EIF2AK3: variants seen among roughly 807,000 people sequenced by gnomAD.
EIF2AK3 encodes eukaryotic translation initiation factor 2-alpha kinase 3.
In EIF2AK3, 50 loss-of-function variants were observed where a neutral mutation model predicts 113.5. The observed-to-expected ratio is 0.44, with a 90% CI of 0.35 to 0.56. The LOEUF is 0.56. Ranked by LOEUF, EIF2AK3 falls within the 20% of genes least tolerant of loss-of-function variation. EIF2AK3 has a pLI of 0.00. For missense variants in EIF2AK3, 1,185 were observed against 1,378.0 expected, an observed-to-expected ratio of 0.86 and a Z score of 2.22; for synonymous variants, 448 against 495.4, an observed-to-expected ratio of 0.90 and a Z score of 1.27.
chr2:88,557,177 A>T lies in EIF2AK3; in HGVS notation c.*559T>A, dbSNP rs1673799790. On this transcript the variant is annotated 3_prime_UTR_variant, in exon 17 of 17. Transcript: ENST00000303236. ...CTAGAACCATCTAAGGAATAAAGCT[A>T]TTGAATGCTACAAATAGGACTATAA... 1.3e-5 allele frequency: 2 copies of T among 155,270 alleles called. No individual in the cohort carries two copies. The highest frequency in any genetic ancestry group is 3.8e-4 in the East Asian group (2 of 5,312). 9.6% of individuals were successfully genotyped at this position (155,270 alleles called of 1,614,324 possible).
intron 10 of EIF2AK3, among the ~76,000 whole-genome samples, chr2:88,580,169 A>G (rs959300206): frequency 2.0e-5 from 3 of 152,174 alleles, no homozygotes; most frequent in Non-Finnish European, 4.4e-5. Context: ...TGTACCTACC[A>G]CTGGAGGTAC....
At chr2:88,613,696 TAGTCAAC>T in intron 2 of EIF2AK3, 21 bp downstream of exon 2, 1 of 1,613,738 alleles carries the variant, frequency 6.2e-7, no homozygotes, top group Non-Finnish European at 8.5e-7. Context: ...TTAAGTTTTC[TAGTCAAC>T]AGTTAACAGA....
In EIF2AK3 at chr2:88,576,568, C is replaced by T; in HGVS notation, c.2022G>A (p.Trp674Ter). ...AAGTTAGTTACCTTTCATCTTTCAG[C>T]CAAATTTCATCCATCTTTTCTTGCC... ...EKWQEKMDEI[W>*]LKDESTDWPL... is the part of the protein sequence containing the mutation. The change falls in exon 12 of 17, where the codon TGG becomes TGA. Residue 674 changes from tryptophan to a stop codon, truncating the protein, a stop_gained. Coordinates refer to ENST00000303236, the MANE Select transcript of EIF2AK3 (RefSeq NM_004836.7). LOFTEE classifies it high-confidence loss of function. 2 of 1,614,084 alleles carry T rather than the reference C, an allele frequency of 1.2e-6. No homozygotes were observed. The highest frequency in any genetic ancestry group is 4.5e-5 in the East Asian group (2 of 44,878).
At chr2:88,558,055 G>C in intron 16 of EIF2AK3, 119 bp from the exon 17 acceptor site, 2 of 1,005,932 alleles carry the variant, frequency 2.0e-6, no homozygotes, top group Non-Finnish European at 3.0e-6. Context: ...CCATATTCGA[G>C]TTTTCAAGTC....
intron 14 of EIF2AK3, among the ~76,000 whole-genome samples, chr2:88,570,415 G>A (rs1051895088): frequency 5.3e-5 from 8 of 152,182 alleles, no homozygotes; most frequent in African/African-American, 1.9e-4. Flanking sequence ...AGGCCAAGCA[G>A]CCCACAAGGC....
intron 16 of EIF2AK3, among the ~76,000 whole-genome samples, 164 bp downstream of exon 16, chr2:88,558,753 G>GTGTT (rs1408175661): frequency 4.6e-5 from 7 of 152,212 alleles, no homozygotes; most frequent in Admixed American, 3.3e-4. Flanking sequence ...CCCAGCTCCA[G>GTGTT]TGTTTGGTTT....
At chr2:88,623,154 T>C (rs1472207274) in intron 1 of EIF2AK3, among the ~76,000 whole-genome samples, 1 of 152,228 alleles carries the variant, frequency 6.6e-6, no homozygotes, top group Admixed American at 6.5e-5. Flanking sequence ...GAACCCCAAG[T>C]AACACTTTGC....
At chr2:88,627,730 A>C, upstream of EIF2AK3, 1 of 156,926 alleles carries the variant, frequency 6.4e-6, no homozygotes, top group Non-Finnish European at 1.4e-5. Flanking sequence ...CCTTTCCTAC[A>C]ACAGATTGGC....
chr2:88,603,367 A>C (rs529650336), intron 2 of EIF2AK3, among the ~76,000 whole-genome samples: 1 of 152,350 alleles, frequency 6.6e-6, no homozygotes, highest in African/African-American at 2.4e-5. Context: ...TTGGGCATCC[A>C]CAGGCTTCCT....
upstream of EIF2AK3, chr2:88,627,777 G>C (rs1266649905): frequency 6.5e-6 from 1 of 153,694 alleles, no homozygotes. Flanking sequence ...AAAGCGAGGC[G>C]CTGGAGAAGA....
At chr2:88,626,861 G>A (rs1228804813) in intron 1 of EIF2AK3, 106 bp downstream of exon 1, 3 of 1,459,748 alleles carry the variant, frequency 2.1e-6, no homozygotes, top group African/African-American at 2.9e-5. Context: ...CTCCGCAGCC[G>A]AGGGAAGACG....
intron 11 of EIF2AK3, among the ~76,000 whole-genome samples, chr2:88,577,880 G>A (rs1476760666): frequency 6.6e-6 from 1 of 152,128 alleles, no homozygotes; most frequent in Non-Finnish European, 1.5e-5. Flanking sequence ...AGCAAATGCC[G>A]CCATTTCTAA....
At chr2:88,577,105 T>C (rs1296929392) in intron 11 of EIF2AK3, among the ~76,000 whole-genome samples, 1 of 151,830 alleles carries the variant, frequency 6.6e-6, no homozygotes. Context: ...TGCCTCAGCC[T>C]CCCGAGTAGC....
intron 5 of EIF2AK3, 41 bp from the exon 6 acceptor site, chr2:88,590,646 G>C: frequency 6.2e-7 from 1 of 1,602,992 alleles, no homozygotes. Context: ...AATTCAAGCA[G>C]TAGTTATATA....
intron 14 of EIF2AK3, among the ~76,000 whole-genome samples, chr2:88,563,882 G>A (rs1674030278): frequency 6.6e-6 from 1 of 152,058 alleles, no homozygotes; most frequent in Non-Finnish European, 1.5e-5. Context: ...GGAAATAACT[G>A]CTGTTAATGT....
intron 11 of EIF2AK3, among the ~76,000 whole-genome samples, chr2:88,577,118 G>A (rs896627444): frequency 5.3e-5 from 8 of 151,924 alleles, no homozygotes; most frequent in Non-Finnish European, 8.8e-5. Context: ...CGAGTAGCTG[G>A]GATTACAGAT....
chr2:88,614,854 A>T (rs924499738), intron 1 of EIF2AK3, among the ~76,000 whole-genome samples: 2 of 152,150 alleles, frequency 1.3e-5, no homozygotes, highest in African/African-American at 4.8e-5. Context: ...TCACTCCTAC[A>T]TCTGTGCAGT....
intron 1 of EIF2AK3, among the ~76,000 whole-genome samples, chr2:88,621,129 C>A (rs1393259313): frequency 6.6e-6 from 1 of 152,176 alleles, no homozygotes; most frequent in African/African-American, 2.4e-5. Context: ...CTAAAACGTG[C>A]AGCTTTTTAT....
intron 2 of EIF2AK3, among the ~76,000 whole-genome samples, chr2:88,608,543 C>T (rs1675344630): frequency 6.6e-6 from 1 of 152,110 alleles, no homozygotes; most frequent in Non-Finnish European, 1.5e-5. Flanking sequence ...TACAACCAAA[C>T]ACACTGGGTT....
Sources: gnomAD v4.1 joint callset for allele counts (sites outside exome capture counted in the v4.1 genomes callset) on GRCh38, gnomAD v4.1.1 for gene constraint, MANE v1.5 for transcripts, NCBI Gene and HGNC (gene_info 2026-07-23, HGNC 2026-07-21) for gene names.